Variants in LAMC2 observed in about 807,000 individuals in gnomAD.
LAMC2 encodes laminin subunit gamma 2.
LAMC2 carries 97 observed loss-of-function variants against 140.2 expected under a neutral mutation model. That is an observed-to-expected ratio of 0.69 (90% CI 0.59 to 0.82). The LOEUF (loss-of-function observed/expected upper bound fraction) is 0.82, where lower values mean the gene tolerates loss of function less well. LAMC2 is among the 40% of genes least tolerant of loss of function. LAMC2 has a pLI of 0.00. For synonymous variants in LAMC2, 513 were observed against 540.2 expected (o/e 0.95, Z 0.70); for missense variants, 1,402 against 1,476.1 (o/e 0.95, Z 0.82).
At chr1:183,213,318 A>T (rs1659129273) in intron 2 of LAMC2, among the ~76,000 whole-genome samples, 1 of 152,200 alleles carries the variant, frequency 6.6e-6, no homozygotes, top group African/African-American at 2.4e-5. Context: ...TGTAAATGTG[A>T]CTCATTTATT....
intron 3 of LAMC2, among the ~76,000 whole-genome samples, chr1:183,217,879 G>T (rs1659326149): frequency 1.3e-5 from 2 of 152,050 alleles, no homozygotes; most frequent in African/African-American, 4.8e-5. Flanking sequence ...AAGAACCATT[G>T]GATTGTACAT....
At chr1:183,222,579 T>C (rs952537453) in intron 6 of LAMC2, among the ~76,000 whole-genome samples, 3 of 145,072 alleles carry the variant, frequency 2.1e-5, no homozygotes, top group Admixed American at 7.0e-5. Flanking sequence ...TTCAAATACC[T>C]GTAAGTTAAA....
rs755249889 is a variant in LAMC2 at position 183,240,394 on chromosome 1, A to G, written c.3328+3A>G. Reference sequence around the variant, plus strand: ...AGACGGCCTCCTGCATCTGATGGGTATGTGAACCCACAACCCACAACCTTC... The same window carrying G: ...AGACGGCCTCCTGCATCTGATGGGTGTGTGAACCCACAACCCACAACCTTC... On this transcript the variant is annotated splice_donor_region_variant and intron_variant, in intron 22 of 22. Coordinates refer to ENST00000264144, the MANE Select transcript of LAMC2 (RefSeq NM_005562.3). 6.2e-7 allele frequency: 1 copy of G among 1,614,176 alleles called. No individual in the cohort carries two copies.
intron 11 of LAMC2, among the ~76,000 whole-genome samples, chr1:183,230,446 T>C (rs571396811): frequency 2.0e-5 from 3 of 152,266 alleles, no homozygotes; most frequent in African/African-American, 7.2e-5. Context: ...GCTTAATCAA[T>C]TTGGTTGAAT....
intron 14 of LAMC2, among the ~76,000 whole-genome samples, chr1:183,233,679 T>A (rs1659862195): frequency 6.6e-6 from 1 of 152,198 alleles, no homozygotes; most frequent in African/African-American, 2.4e-5. Flanking sequence ...ATTTGGAATA[T>A]ATTCTACTGG....
intron 20 of LAMC2, 46 bp downstream of exon 20, chr1:183,239,609 C>G: frequency 6.6e-7 from 1 of 1,511,864 alleles, no homozygotes; most frequent in Non-Finnish European, 9.1e-7. Flanking sequence ...GCACCAAACA[C>G]AAGGGTGGTG....
At position 183,231,054 on chromosome 1, in the gene LAMC2, A is replaced by G; in HGVS notation, c.1808A>G (p.Glu603Gly). 6.2e-7 allele frequency: 1 copy of G among 1,614,162 alleles called. No homozygotes were observed. The highest frequency in any genetic ancestry group is 1.1e-5 in the South Asian group (1 of 91,082). ...CCAGGATTTGGTGGCCCCAACTGTG[A>G]GCATGGAGCATTCAGCTGTCCAGCT... ...CKPGFGGPNC[E>G]HGAFSCPACY... Residue 603 changes from glutamate to glycine, a missense_variant, in exon 12 of 23, where the codon GAG (glutamate) becomes GGG (glycine). Coordinates refer to ENST00000264144, the MANE Select transcript of LAMC2 (RefSeq NM_005562.3).
At chr1:183,219,910 C>G (rs927802292) in intron 4 of LAMC2, among the ~76,000 whole-genome samples, 2 of 152,172 alleles carry the variant, frequency 1.3e-5, no homozygotes, top group Admixed American at 1.3e-4. Context: ...TGCTATATGT[C>G]AAGAGTTTCT....
At chr1:183,238,059 T>C (rs1660018919) in intron 18 of LAMC2, among the ~76,000 whole-genome samples, 2 of 152,204 alleles carry the variant, frequency 1.3e-5, no homozygotes, top group East Asian at 1.9e-4. Flanking sequence ...TCAGGAAATA[T>C]CTAGAGTTTA....
Position 183,243,448 on chromosome 1 carries a change from A to T in LAMC2, c.*48A>T, listed in dbSNP as rs766647961. 2 of 1,610,256 alleles carry T rather than the reference A, an allele frequency of 1.2e-6. No individual in the cohort carries two copies. Among genetic ancestry groups the T allele is most frequent in the Non-Finnish European group, 1.7e-6 (2 of 1,176,560 alleles). Reference sequence around the variant, plus strand: ...CTGAGGTTCTTGGGATACAGATCTCAGGGCTCGGGAGCCATGTCATGTGAG... The same window carrying T: ...CTGAGGTTCTTGGGATACAGATCTCTGGGCTCGGGAGCCATGTCATGTGAG... On this transcript the variant is annotated 3_prime_UTR_variant, in exon 23 of 23. Coordinates refer to ENST00000264144, the MANE Select transcript of LAMC2 (RefSeq NM_005562.3).
intron 1 of LAMC2, among the ~76,000 whole-genome samples, chr1:183,193,696 G>T (rs1658419206): frequency 6.6e-6 from 1 of 152,190 alleles, no homozygotes; most frequent in Admixed American, 6.5e-5. Flanking sequence ...TTGTACCATG[G>T]TAGGAGGGGA....
chr1:183,258,788 C>G, the LAMC2 span, among the ~76,000 whole-genome samples: 1 of 151,966 alleles, frequency 6.6e-6, no homozygotes, highest in African/African-American at 2.4e-5. Flanking sequence ...AATTTGCGGC[C>G]CCCCACCCAG....
At chr1:183,219,620 C>A (rs192547512) in intron 4 of LAMC2, among the ~76,000 whole-genome samples, 2 of 152,194 alleles carry the variant, frequency 1.3e-5, no homozygotes, top group South Asian at 4.2e-4. Flanking sequence ...CTTCCCTCCC[C>A]ACTCCTCCCC....
At chr1:183,206,082 A>G (rs1270202215) in intron 1 of LAMC2, among the ~76,000 whole-genome samples, 1 of 152,126 alleles carries the variant, frequency 6.6e-6, no homozygotes, top group Non-Finnish European at 1.5e-5. Context: ...CACATCTGGG[A>G]GCAAATTACA....
chr1:183,207,372 C>T (rs748814556), intron 1 of LAMC2, among the ~76,000 whole-genome samples: 1 of 140,598 alleles, frequency 7.1e-6, no homozygotes, highest in Admixed American at 7.1e-5. Context: ...TGTGCCCAGA[C>T]GGTCACGTCC....
Position 183,228,442 on chromosome 1 carries a change from C to A in LAMC2, c.1537C>A (p.Pro513Thr). 6.2e-7 allele frequency: 1 copy of A among 1,613,968 alleles called. No individual in the cohort carries two copies. ...CTTTGGTGAACATGGCCCAGTGAGG[C>A]CTTGTCAGCCCTGTCAATGCAACAA... Reference protein sequence around the residue: ...DPFGEHGPVRPCQPCQCNNNV... With the variant: ...DPFGEHGPVRTCQPCQCNNNV... Residue 513 changes from proline to threonine, a missense_variant, in exon 11 of 23, where the codon CCT (proline) becomes ACT (threonine). Pro to Thr is a conservative substitution (Grantham distance 38). This residue lies in a region of LAMC2 where 723 missense variants were observed against 783.3 expected (regional missense o/e 0.92). Transcript: ENST00000264144. This position sits in a 1 kb window ranked among gnomAD's most constrained non-coding sequence, Gnocchi z 4.3.
At chr1:183,211,956 C>T (rs752537231) in intron 2 of LAMC2, among the ~76,000 whole-genome samples, 6 of 152,006 alleles carry the variant, frequency 3.9e-5, no homozygotes, top group South Asian at 2.1e-4. Flanking sequence ...ACCAATTGTT[C>T]ACAATCCCTA....
chr1:183,200,067 GA>G (rs1658657006), intron 1 of LAMC2, among the ~76,000 whole-genome samples: 1 of 152,246 alleles, frequency 6.6e-6, no homozygotes, highest in African/African-American at 2.4e-5. Flanking sequence ...TCACCTTAGT[GA>G]AAAGCAGAGC....
Position 183,186,465 on chromosome 1 carries a change from C to T in LAMC2, c.79+34C>T, listed in dbSNP as rs748994251. The T allele has an allele frequency of 7.5e-6, 12 of 1,597,546 alleles. No individual in the cohort carries two copies. The East Asian group carries it at 2.5e-4, about 33-fold the overall frequency. On this transcript the variant is annotated intron_variant, in intron 1 of 22. Coordinates refer to ENST00000264144, the MANE Select transcript of LAMC2 (RefSeq NM_005562.3). The stretch of plus-strand genomic sequence containing the variant: ...GCTTCCACAAGGAAACATCTCAGCC[C>T]TGGGCTGAGAATCTGCCTTTCTCTG...
Sources: gnomAD v4.1 joint callset for allele counts (sites outside exome capture counted in the v4.1 genomes callset) on GRCh38, gnomAD v4.1.1 for gene constraint, gnomAD v4.1.1 regional missense constraint, Gnocchi (gnomAD v3.1) non-coding constraint, MANE v1.5 for transcripts, NCBI Gene and HGNC (gene_info 2026-07-23, HGNC 2026-07-21) for gene names.